Variants in DLG2 observed in about 807,000 individuals in gnomAD.
DLG2 encodes the protein discs large MAGUK scaffold protein 2.
DLG2 carries 45 observed loss-of-function variants against 132.5 expected under a neutral mutation model. The observed-to-expected ratio is 0.34, with a 90% confidence interval of 0.27 to 0.44. The LOEUF is 0.44. Among genes scored for constraint, DLG2 ranks in the 20% least tolerant of loss-of-function variants. DLG2 has a pLI of 1.00. For missense variants in DLG2, 1,045 were observed against 1,196.9 expected, an observed-to-expected ratio of 0.87 and a Z score of 1.87; for synonymous variants, 424 against 419.6, an observed-to-expected ratio of 1.01 and a Z score of -0.13.
At chr11:83,796,307 A>AC (rs2042806805) in intron 17 of DLG2, among the ~76,000 whole-genome samples, 1 of 152,150 alleles carries the variant, frequency 6.6e-6, no homozygotes, top group Non-Finnish European at 1.5e-5. Context: ...AAACAAACAA[A>AC]TGAAAAAAAC....
At chr11:83,902,601 A>G (rs568613418) in intron 15 of DLG2, among the ~76,000 whole-genome samples, 1 of 152,194 alleles carries the variant, frequency 6.6e-6, no homozygotes, top group Non-Finnish European at 1.5e-5. Context: ...AGCTCTAAGC[A>G]AATTGTAAAC....
chr11:85,536,155 G>T (rs2075564762), intron 3 of DLG2, among the ~76,000 whole-genome samples: 1 of 147,780 alleles, frequency 6.8e-6, no homozygotes, highest in Non-Finnish European at 1.5e-5. Context: ...GGCAGAGGGT[G>T]CAGTGAGCCG....
rs2060001325 is a variant in DLG2, at chr11:85,020,899, C to T, written c.357+90762G>A. ...CCCTCCTCAGCAGAGTCATGTGCATCCCCCTCCTCAGCAGGGTCATCTGCA... is the reference window on the plus strand; with the variant it reads ...CCCTCCTCAGCAGAGTCATGTGCATTCCCCTCCTCAGCAGGGTCATCTGCA... On this transcript the variant is annotated intron_variant, in intron 6 of 27. Coordinates refer to ENST00000376104, the MANE Select transcript of DLG2 (RefSeq NM_001142699.3). The T allele has an allele frequency of 3.9e-6, 3 of 768,218 alleles. No homozygotes were observed. In the South Asian group the frequency reaches 4.0e-5, roughly 10 times the overall value. The allele number at this position is 768,218 out of a possible 1,614,324, so 47.6% of individuals were successfully genotyped here. A position where few individuals can be genotyped will look rare whatever the true frequency, so the allele number is the denominator to read the frequency against.
intron 6 of DLG2, among the ~76,000 whole-genome samples, chr11:84,572,731 G>C (rs915165336): frequency 6.6e-6 from 1 of 152,042 alleles, no homozygotes; most frequent in African/African-American, 2.4e-5. Flanking sequence ...GCAACCTTGA[G>C]GAATGAGGTA....
intron 10 of DLG2, among the ~76,000 whole-genome samples, chr11:84,068,226 C>G (rs1341623984): frequency 1.3e-5 from 2 of 152,254 alleles, no homozygotes; most frequent in Non-Finnish European, 2.9e-5. Context: ...CTGACAGTGT[C>G]TCAGTCCATG....
intron 18 of DLG2, among the ~76,000 whole-genome samples, chr11:83,706,140 C>T (rs2083925946): frequency 6.6e-6 from 1 of 151,924 alleles, no homozygotes; most frequent in Middle Eastern, 3.4e-3. Flanking sequence ...ATCGCTTGAA[C>T]CCGGGAGGCA....
At chr11:83,665,817 A>T (rs1172317338) in intron 18 of DLG2, among the ~76,000 whole-genome samples, 1 of 152,162 alleles carries the variant, frequency 6.6e-6, no homozygotes, top group Non-Finnish European at 1.5e-5. Context: ...AGAACGGGGA[A>T]TGCGTTACAA....
At chr11:84,789,563 C>T (rs566812281) in intron 6 of DLG2, among the ~76,000 whole-genome samples, 2 of 152,102 alleles carry the variant, frequency 1.3e-5, no homozygotes, top group South Asian at 2.1e-4. Context: ...TACAAACAAT[C>T]GAATTATACT....
intron 11 of DLG2, among the ~76,000 whole-genome samples, chr11:84,028,277 G>T (rs2095596612): frequency 6.6e-6 from 1 of 151,982 alleles, no homozygotes; most frequent in Non-Finnish European, 1.5e-5. Flanking sequence ...GATAATATCT[G>T]TCCTTCATGT....
At chr11:83,801,478 G>A (rs2044370177) in intron 17 of DLG2, among the ~76,000 whole-genome samples, 1 of 151,978 alleles carries the variant, frequency 6.6e-6, no homozygotes, top group Non-Finnish European at 1.5e-5. Flanking sequence ...ATTCCACTCT[G>A]TCTTCTTTAC....
chr11:84,437,968 T>C (rs1315550961), intron 7 of DLG2, among the ~76,000 whole-genome samples: 2 of 152,056 alleles, frequency 1.3e-5, no homozygotes, highest in African/African-American at 2.4e-5. Context: ...CGCAGGTAAA[T>C]CAGCCAATAC....
intron 19 of DLG2, among the ~76,000 whole-genome samples, chr11:83,625,473 G>A (rs757639460): frequency 6.6e-6 from 1 of 152,196 alleles, no homozygotes; most frequent in Non-Finnish European, 1.5e-5. Context: ...TGTCTTACCT[G>A]CATGATGATG....
At chr11:83,692,089 C>A (rs1843659267) in intron 18 of DLG2, 1 of 152,122 alleles carries the variant, frequency 6.6e-6, no homozygotes, top group Non-Finnish European at 1.5e-5. Context: ...AGTGGTAGAT[C>A]TGAGTTTCAA....
At chr11:84,980,015 T>C (rs1048363038) in intron 6 of DLG2, among the ~76,000 whole-genome samples, 1 of 151,958 alleles carries the variant, frequency 6.6e-6, no homozygotes, top group Non-Finnish European at 1.5e-5. Context: ...GCCTATAAGG[T>C]TTTCAAGGGT....
chr11:84,555,019 G>T (rs1476533627), intron 6 of DLG2, among the ~76,000 whole-genome samples: 1 of 152,094 alleles, frequency 6.6e-6, no homozygotes, highest in Non-Finnish European at 1.5e-5. Flanking sequence ...AGGGGTGAGT[G>T]AAGCAAACAT....
chr11:83,854,665 A>T (rs2060240866), intron 16 of DLG2, among the ~76,000 whole-genome samples: 1 of 152,158 alleles, frequency 6.6e-6, no homozygotes, highest in Non-Finnish European at 1.5e-5. Context: ...TGTAGGAGAA[A>T]ATCTAGATGA....
intron 7 of DLG2, among the ~76,000 whole-genome samples, chr11:84,310,013 A>G (rs2098270838): frequency 6.6e-6 from 1 of 152,186 alleles, no homozygotes; most frequent in Admixed American, 6.5e-5. Context: ...ACCATAATAA[A>G]GGAGGGAAGC....
At position 85,426,781 on chromosome 11, in the gene DLG2, G is replaced by T. The variant is rs930093798; in HGVS notation, c.41-141416C>A. On this transcript the variant is annotated intron_variant, in intron 3 of 27. Coordinates refer to ENST00000376104, the MANE Select transcript of DLG2 (RefSeq NM_001142699.3). ...AATGGAACAAAGCTGAATGGAGAATGACTTCAATGAGTTGAGAGAAGAAGG... is the reference window on the plus strand; with the variant it reads ...AATGGAACAAAGCTGAATGGAGAATTACTTCAATGAGTTGAGAGAAGAAGG... Among the ~76,000 whole-genome samples the T allele has an allele frequency of 8.5e-5, 13 of 152,226 alleles. No homozygotes were observed. In the East Asian group the frequency reaches 2.1e-3, roughly 25 times the overall value.
At chr11:84,829,303 T>C (rs553427005) in intron 6 of DLG2, among the ~76,000 whole-genome samples, 2 of 151,798 alleles carry the variant, frequency 1.3e-5, no homozygotes, top group East Asian at 3.9e-4. Flanking sequence ...AGACTCATCA[T>C]ACAGTTGCAT....
Sources: allele counts gnomAD v4.1 joint callset (sites outside exome capture counted in the v4.1 genomes callset), GRCh38; gene constraint gnomAD v4.1.1; transcripts MANE v1.5; gene names NCBI Gene and HGNC (gene_info 2026-07-23, HGNC 2026-07-21).